The following YLPM1 variants were observed in gnomAD, a reference collection of about 807,000 sequenced individuals.
YLPM1 encodes YLP motif-containing protein 1.
A neutral mutation model predicts 230.0 loss-of-function variants in YLPM1; 99 were observed. The ratio of observed to expected loss-of-function variants is 0.43; its 90% CI spans 0.37 to 0.51. YLPM1 has a LOEUF of 0.51. Among genes scored for constraint, YLPM1 ranks in the 20% least tolerant of loss-of-function variants. The pLI is 0.00. For synonymous variants in YLPM1, 984 were observed against 942.5 expected (o/e 1.04, Z -0.81); for missense variants, 2,592 against 2,707.7 (o/e 0.96, Z 0.95).
At chr14:74,829,686 G>A (rs773639211) in intron 19 of YLPM1, among the ~76,000 whole-genome samples, 7 of 152,158 alleles carry the variant, frequency 4.6e-5, no homozygotes, top group Non-Finnish European at 1.0e-4. Context: ...TGGATGGGAT[G>A]TGGAGGGTCC....
chr14:74,828,898 A>G (rs1268552776), intron 18 of YLPM1, among the ~76,000 whole-genome samples: 2 of 152,198 alleles, frequency 1.3e-5, no homozygotes, highest in Non-Finnish European at 2.9e-5. Flanking sequence ...TGCATTTGCC[A>G]TCAGAAAATG....
rs77730825 is a variant in YLPM1, at chr14:74,783,908, C to T, written c.2282+1583C>T. On this transcript the variant is annotated intron_variant, in intron 4 of 20. Transcript: ENST00000325680. ...TAACAAAATGGCACTGAGAGGACTG[C>T]GTAACTTGCTCAGTCAGGATTATTT... 7.7e-3 allele frequency among the ~76,000 whole-genome samples: 1,178 copies of T among 152,262 alleles called. 16 individuals carry two copies. The highest frequency in any genetic ancestry group is 0.027 in the African/African-American group (1,129 of 41,556).
intron 18 of YLPM1, among the ~76,000 whole-genome samples, chr14:74,826,920 A>T (rs1049841231): frequency 6.6e-6 from 1 of 152,196 alleles, no homozygotes; most frequent in Non-Finnish European, 1.5e-5. Context: ...GACTGTTACC[A>T]TCCTAATTTA....
In YLPM1 at chr14:74,797,148, ATTTTTTTTTTTTT is replaced by A. The variant is rs71303895; in HGVS notation, c.2283-422_2283-410del. Among the ~76,000 whole-genome samples, 5 of 100,800 alleles carry A rather than the reference ATTTTTTTTTTTTT, an allele frequency of 5.0e-5. 1 individual carries two copies. The highest frequency in any genetic ancestry group is 9.5e-5 in the Non-Finnish European group (5 of 52,540). The allele number at this position is 100,800 out of a possible 152,430, so 66.1% of individuals were successfully genotyped here. On this transcript the variant is annotated intron_variant, in intron 4 of 20. Coordinates refer to ENST00000325680, the MANE Select transcript of YLPM1 (RefSeq NM_019589.3). ...CCACCACACCTGGCTAAATTTTTGTATTTTTTTTTTTTTTTTTTTTTTAGTAGAGATAGGGTTT... is the reference window on the plus strand; with the variant it reads ...CCACCACACCTGGCTAAATTTTTGTATTTTTTTTTAGTAGAGATAGGGTTT...
chr14:74,798,500 G>A lies in YLPM1; in HGVS notation c.3203G>A (p.Ser1068Asn), dbSNP rs1490025206. The A allele has an allele frequency of 1.2e-6, 2 of 1,613,872 alleles. No individual in the cohort carries two copies. The highest frequency in any genetic ancestry group is 2.2e-5 in the South Asian group (2 of 91,088). Reference protein sequence around the residue: ...RDKMMGRREDSREKMNRGEGS... With the variant: ...RDKMMGRREDNREKMNRGEGS... ...AAGATGATGGGTAGAAGAGAAGATA[G>A]TCGAGAGAAGATGAACAGAGGAGAA... is the stretch of plus-strand genomic sequence containing the variant. The change falls in exon 5 of 21, where the codon AGT (serine) becomes AAT (asparagine). Residue 1068 changes from serine to asparagine, a missense_variant. Ser to Asn is a conservative substitution (Grantham distance 46). Coordinates refer to ENST00000325680, the MANE Select transcript of YLPM1 (RefSeq NM_019589.3).
intron 4 of YLPM1, among the ~76,000 whole-genome samples, chr14:74,786,755 A>G (rs754570205): frequency 2.0e-5 from 3 of 152,128 alleles, no homozygotes; most frequent in Non-Finnish European, 4.4e-5. Flanking sequence ...TTGATGCTGT[A>G]TGTGTCCCTT....
chr14:74,806,140 A>G (rs2091376274), intron 6 of YLPM1, among the ~76,000 whole-genome samples: 1 of 150,716 alleles, frequency 6.6e-6, no homozygotes, highest in African/African-American at 2.4e-5. Context: ...GTGGATCACA[A>G]GAGGTCAGGA....
chr14:74,831,365 C>T (rs2091607707), intron 19 of YLPM1, among the ~76,000 whole-genome samples: 1 of 152,156 alleles, frequency 6.6e-6, no homozygotes, highest in African/African-American at 2.4e-5. Flanking sequence ...GCCATTTGCA[C>T]CCAGCCTCAC....
intron 4 of YLPM1, among the ~76,000 whole-genome samples, chr14:74,794,172 A>C (rs2091235393): frequency 6.6e-6 from 1 of 151,898 alleles, no homozygotes; most frequent in South Asian, 2.1e-4. Context: ...TCCATTTCCC[A>C]AAATTCCCTT....
chr14:74,805,704 CT>C (rs571630763), intron 6 of YLPM1, among the ~76,000 whole-genome samples: 2,336 of 134,454 alleles, frequency 0.017, 38 homozygotes, highest in African/African-American at 0.049. Context: ...AATAAGCATA[CT>C]TTTTTTTTTT....
chr14:74,775,255 T>C (rs959638448), intron 1 of YLPM1, among the ~76,000 whole-genome samples: 2 of 152,210 alleles, frequency 1.3e-5, no homozygotes, highest in Admixed American at 6.5e-5. Flanking sequence ...ATTGACATCC[T>C]ACTGTGTGCT....
chr14:74,830,969 G>A (rs1375844474), intron 19 of YLPM1, among the ~76,000 whole-genome samples: 1 of 152,210 alleles, frequency 6.6e-6, no homozygotes, highest in Non-Finnish European at 1.5e-5. Flanking sequence ...GATGCTTACA[G>A]TGTTTCCATT....
intron 17 of YLPM1, among the ~76,000 whole-genome samples, chr14:74,822,900 G>C (rs965848970): frequency 2.6e-5 from 4 of 152,060 alleles, no homozygotes; most frequent in African/African-American, 9.7e-5. Flanking sequence ...TAGTGCTTCA[G>C]TGAACCTAGT....
At position 74,809,834 on chromosome 14, in the gene YLPM1, C is replaced by T. The variant is rs147692183; in HGVS notation, c.4939+37C>T. The T allele has an allele frequency of 1.2e-5, 19 of 1,610,502 alleles. No homozygotes were observed. The East Asian group carries it at 3.6e-4, about 30-fold the overall frequency. On this transcript the variant is annotated intron_variant, in intron 7 of 20. Transcript: ENST00000325680. Reference sequence around the variant, plus strand: ...TAGTGCACTTGTATTTGGGATTCTACAGGAATTGTTAGCTTCAGCTTTAGC... The same window carrying T: ...TAGTGCACTTGTATTTGGGATTCTATAGGAATTGTTAGCTTCAGCTTTAGC...
At chr14:74,819,377 C>T (rs2091503410) in intron 16 of YLPM1, among the ~76,000 whole-genome samples, 2 of 150,248 alleles carry the variant, frequency 1.3e-5, no homozygotes, top group South Asian at 2.1e-4. Context: ...AGGGTTCAGG[C>T]GATTCTCCTG....
intron 6 of YLPM1, 132 bp downstream of exon 6, chr14:74,802,808 T>A: frequency 8.7e-7 from 1 of 1,145,208 alleles, no homozygotes; most frequent in Non-Finnish European, 1.2e-6. Flanking sequence ...AACTTAAAAG[T>A]TTATGGTAAT....
intron 1 of YLPM1, among the ~76,000 whole-genome samples, chr14:74,767,317 C>T (rs2090921729): frequency 6.6e-6 from 1 of 152,186 alleles, no homozygotes; most frequent in Non-Finnish European, 1.5e-5. Context: ...TTCTTTGATA[C>T]CATCCATGTT....
In YLPM1 at chr14:74,821,102, GA is replaced by G; in HGVS notation, c.6080del (p.Lys2027ArgfsTer28). On this transcript the variant is annotated frameshift_variant, in exon 17 of 21. Transcript: ENST00000325680. LOFTEE classifies it high-confidence loss of function. ...TGCAAATATCGAAGAACAGAAAGAA[GA>G]AAAGAAAGATGCAGAGGAAGAGGAA... is the stretch of plus-strand genomic sequence containing the variant. ...FDANIEEQKE[E>X]KKDAEEEESE... 1 of 1,546,842 alleles carries G rather than the reference GA, an allele frequency of 6.5e-7. No individual in the cohort carries two copies. Among genetic ancestry groups the G allele is most frequent in the African/African-American group, 1.4e-5 (1 of 72,744 alleles).
rs765057084 is a variant in YLPM1, at chr14:74,769,862, C to T, written c.873+5500C>T. 4.4e-3 allele frequency among the ~76,000 whole-genome samples: 414 copies of T among 95,030 alleles called. 20 individuals are homozygous for T. In the South Asian group the frequency reaches 0.062, roughly 14 times the overall value. The allele number at this position is 95,030 out of a possible 152,430, so 62.3% of individuals were successfully genotyped here. A position where few individuals can be genotyped will look rare whatever the true frequency, so the allele number is the denominator to read the frequency against. On this transcript the variant is annotated intron_variant, in intron 1 of 20. Transcript: ENST00000325680. ...CAACAAAGTGAGACACCCCCCCCCC[C>T]GCCCCCCGCCCACAAAAAGTTTAAA...
Sources: gnomAD v4.1 joint callset for allele counts (sites outside exome capture counted in the v4.1 genomes callset) on GRCh38, gnomAD v4.1.1 for gene constraint, MANE v1.5 for transcripts, NCBI Gene and HGNC (gene_info 2026-07-23, HGNC 2026-07-21) for gene names.